The following TSPAN11 variants were observed in gnomAD, a reference collection of about 807,000 sequenced individuals.
TSPAN11 encodes tetraspanin 11, also known as tetraspanin-11.
TSPAN11 carries 29 observed loss-of-function variants against 32.9 expected under a neutral mutation model. The ratio of observed to expected loss-of-function variants is 0.88; its 90% CI spans 0.66 to 1.20. TSPAN11 has a LOEUF of 1.20. TSPAN11 is among the 50% of genes most tolerant of loss of function. The pLI is 0.00. For missense variants in TSPAN11, 283 were observed against 329.1 expected (o/e 0.86, Z 1.08); for synonymous variants, 140 against 141.3 (o/e 0.99, Z 0.07).
intron 1 of TSPAN11, among the ~76,000 whole-genome samples, chr12:30,941,599 C>A (rs2140275380): frequency 6.6e-6 from 1 of 152,282 alleles, no homozygotes; most frequent in South Asian, 2.1e-4. Flanking sequence ...GTAGGCCTAG[C>A]CCCCCTTAAG....
chr12:30,982,240 A>G (rs1939106205), intron 5 of TSPAN11, among the ~76,000 whole-genome samples: 1 of 152,108 alleles, frequency 6.6e-6, no homozygotes, highest in Non-Finnish European at 1.5e-5. Flanking sequence ...CACCTCGCAG[A>G]CCCGTCCTGC....
chr12:30,972,604 C>G (rs1938873436), intron 3 of TSPAN11, among the ~76,000 whole-genome samples: 1 of 152,138 alleles, frequency 6.6e-6, no homozygotes, highest in African/African-American at 2.4e-5. Context: ...GAGTGTTTCT[C>G]AGGCTTGTAC....
chr12:31,003,480 C>T, the TSPAN11 span, among the ~76,000 whole-genome samples: 1 of 152,208 alleles, frequency 6.6e-6, no homozygotes, highest in African/African-American at 2.4e-5. Flanking sequence ...GCAGCAAAGG[C>T]TCCAGGGCCA....
At chr12:30,989,128 G>A (rs566870924) in intron 7 of TSPAN11, among the ~76,000 whole-genome samples, 39 of 152,342 alleles carry the variant, frequency 2.6e-4, no homozygotes, top group African/African-American at 9.1e-4. Flanking sequence ...CAGGCAGAGT[G>A]CCGTCCCTTC....
chr12:30,935,878 T>C (rs1015702786), intron 1 of TSPAN11, among the ~76,000 whole-genome samples: 3 of 152,194 alleles, frequency 2.0e-5, no homozygotes, highest in Non-Finnish European at 4.4e-5. Context: ...CTGTCCTAGG[T>C]GACATGGTCT....
chr12:30,936,477 A>C (rs1411056176), intron 1 of TSPAN11, among the ~76,000 whole-genome samples: 1 of 152,166 alleles, frequency 6.6e-6, no homozygotes, highest in Admixed American at 6.5e-5. Flanking sequence ...AGATACATGA[A>C]CCACCAAACA....
chr12:30,928,763 C>T (rs1418592008), intron 1 of TSPAN11, among the ~76,000 whole-genome samples: 3 of 152,268 alleles, frequency 2.0e-5, no homozygotes, highest in African/African-American at 7.2e-5. Context: ...TGTTTTGCTT[C>T]CTCAGAGAGG....
chr12:30,969,595 G>A (rs987713705), intron 3 of TSPAN11, among the ~76,000 whole-genome samples: 2 of 152,136 alleles, frequency 1.3e-5, no homozygotes, highest in African/African-American at 4.8e-5. Flanking sequence ...CATCCTTCTC[G>A]GGATGCAGCG....
At position 30,978,678 on chromosome 12, in the gene TSPAN11, G is replaced by A. The variant is rs748718180; in HGVS notation, c.351+43G>A. The A allele has an allele frequency of 1.2e-5, 19 of 1,601,962 alleles. No homozygotes were observed. In the African/African-American group the frequency reaches 2.3e-4, roughly 19 times the overall value. ...CTCCTGCATCCTCTGTCAGTGTCCT[G>A]AAGAAGCAATGTGGGTAGGGAGGTT... is the stretch of plus-strand genomic sequence containing the variant. On this transcript the variant is annotated intron_variant, in intron 4 of 7. Coordinates refer to ENST00000546076, the MANE Select transcript of TSPAN11 (RefSeq NM_001370302.1).
At chr12:31,001,905 G>C in the TSPAN11 span, among the ~76,000 whole-genome samples, 1 of 152,192 alleles carries the variant, frequency 6.6e-6, no homozygotes, top group Non-Finnish European at 1.5e-5. Flanking sequence ...AGTGCTAAGA[G>C]AGAGGCCGAT....
chr12:30,947,910 A>G (rs1938301660), intron 1 of TSPAN11, among the ~76,000 whole-genome samples: 1 of 152,230 alleles, frequency 6.6e-6, no homozygotes, highest in Non-Finnish European at 1.5e-5. Context: ...CCTTCCGCCT[A>G]TGAGCCTGTA....
At chr12:30,960,920 T>G (rs2140290681) in intron 2 of TSPAN11, among the ~76,000 whole-genome samples, 1 of 151,076 alleles carries the variant, frequency 6.6e-6, no homozygotes, top group South Asian at 2.1e-4. Context: ...ACACCTGTAA[T>G]CCCAGCTACT....
intron 3 of TSPAN11, among the ~76,000 whole-genome samples, chr12:30,970,442 A>G (rs1398490117): frequency 6.6e-6 from 1 of 152,044 alleles, no homozygotes; most frequent in Non-Finnish European, 1.5e-5. Context: ...TTAGACCCCC[A>G]ACATTTGGGC....
chr12:30,928,885 T>C (rs1332211087), intron 1 of TSPAN11, among the ~76,000 whole-genome samples: 1 of 152,224 alleles, frequency 6.6e-6, no homozygotes. Flanking sequence ...CCTACTACAA[T>C]GTGAGCTCAC....
intron 3 of TSPAN11, among the ~76,000 whole-genome samples, chr12:30,971,945 C>G (rs1042272782): frequency 6.6e-6 from 1 of 152,104 alleles, no homozygotes; most frequent in African/African-American, 2.4e-5. Flanking sequence ...CTAGTTTAAA[C>G]TGTTCCATTA....
At chr12:30,956,956 G>A (rs538361721) in intron 2 of TSPAN11, among the ~76,000 whole-genome samples, 45 of 152,328 alleles carry the variant, frequency 3.0e-4, no homozygotes, top group Admixed American at 1.4e-3. Context: ...GTATTTCCCC[G>A]GGGACCGGGG....
chr12:30,968,552 A>C (rs1938784949), intron 3 of TSPAN11, among the ~76,000 whole-genome samples: 1 of 152,226 alleles, frequency 6.6e-6, no homozygotes, highest in Non-Finnish European at 1.5e-5. Flanking sequence ...TGAGAGAGAT[A>C]ATTCAGGCCA....
intron 3 of TSPAN11, among the ~76,000 whole-genome samples, chr12:30,967,634 CTG>C (rs1171172247): frequency 7.1e-6 from 1 of 140,404 alleles, no homozygotes; most frequent in Non-Finnish European, 1.6e-5. Flanking sequence ...CAGCTTGAAA[CTG>C]AGGTCAGAAA....
At chr12:31,012,330 TC>T in the TSPAN11 span, among the ~76,000 whole-genome samples, 1 of 152,208 alleles carries the variant, frequency 6.6e-6, no homozygotes, top group Non-Finnish European at 1.5e-5. Context: ...CTCCAGCCTC[TC>T]CCCTGCCCCT....
Sources: allele counts gnomAD v4.1 joint callset (sites outside exome capture counted in the v4.1 genomes callset), GRCh38; gene constraint gnomAD v4.1.1; transcripts MANE v1.5; gene names NCBI Gene and HGNC (gene_info 2026-07-23, HGNC 2026-07-21).